Variants in SH2D2A observed in about 807,000 individuals in gnomAD.
The protein encoded by SH2D2A is SH2 domain-containing protein 2A.
Under a neutral mutation model 43.6 loss-of-function variants are expected in SH2D2A, and 33 were observed. That is an observed-to-expected ratio of 0.76 (90% CI 0.57 to 1.01). The LOEUF (loss-of-function observed/expected upper bound fraction) is 1.01. Ranked by LOEUF, SH2D2A falls within the 50% of genes least tolerant of loss-of-function variation. The probability of loss-of-function intolerance (pLI) is 0.00; values close to 1 mark genes in which losing one functional copy is unlikely to be tolerated. For synonymous variants in SH2D2A, 212 were observed against 206.1 expected (o/e 1.03, Z -0.25); for missense variants, 491 against 503.1 (o/e 0.98, Z 0.23).
intron 5 of SH2D2A, among the ~76,000 whole-genome samples, chr1:156,810,117 C>G (rs1337212905): frequency 6.6e-6 from 1 of 152,188 alleles, no homozygotes; most frequent in African/African-American, 2.4e-5. Flanking sequence ...CTCACTGCAG[C>G]CTTGACCTCC....
Position 156,816,020 on chromosome 1 carries a change from G to C in SH2D2A, c.109C>G (p.Leu37Val). 6.2e-7 allele frequency: 1 copy of C among 1,614,070 alleles called. No individual in the cohort carries two copies. Among genetic ancestry groups the C allele is most frequent in the Non-Finnish European group, 8.5e-7 (1 of 1,179,964 alleles). Residue 37 changes from leucine to valine, a missense_variant, in exon 2 of 9, where the codon CTG (leucine) becomes GTG (valine). Leu to Val is a conservative substitution (Grantham distance 32). Transcript: ENST00000368199. Reference sequence around the variant, plus strand: ...TTTCCACTCACCGCAGTGTAGCCCAGGTTCTGGCAGCTCCTGCGGGTCATG... The same window carrying C: ...TTTCCACTCACCGCAGTGTAGCCCACGTTCTGGCAGCTCCTGCGGGTCATG... Reference protein sequence around the residue: ...TDMTRRSCQNLGYTAASPQAP... With the variant: ...TDMTRRSCQNVGYTAASPQAP...
At chr1:156,811,675 A>C (rs903666473) in intron 5 of SH2D2A, among the ~76,000 whole-genome samples, 1 of 152,084 alleles carries the variant, frequency 6.6e-6, no homozygotes, top group African/African-American at 2.4e-5. Flanking sequence ...CCTAGTATCA[A>C]TTCCACCCTC....
chr1:156,814,353 G>C (rs1653680659), intron 3 of SH2D2A, 59 bp from the exon 4 acceptor site: 2 of 1,578,518 alleles, frequency 1.3e-6, no homozygotes, highest in South Asian at 1.1e-5. Context: ...CCTCGCCTCT[G>C]TCTCCCCGGC....
intron 1 of SH2D2A, among the ~76,000 whole-genome samples, chr1:156,816,411 C>T (rs1041497114): frequency 1.1e-4 from 16 of 152,228 alleles, no homozygotes; most frequent in African/African-American, 3.9e-4. Context: ...CCAGGATCTT[C>T]TGCCTCCTTC....
At chr1:156,815,819 CA>C (rs766336211) in intron 2 of SH2D2A, 186 bp downstream of exon 2, 1 of 1,614,134 alleles carries the variant, frequency 6.2e-7, no homozygotes, top group Non-Finnish European at 8.5e-7. Flanking sequence ...AGTGAGTGGG[CA>C]ACTCGGCGCA....
At chr1:156,814,653 A>C in intron 3 of SH2D2A, 1 of 398,082 alleles carries the variant, frequency 2.5e-6, no homozygotes, top group Non-Finnish European at 4.5e-6. Context: ...GTTAGGGAGA[A>C]ATGAGGCTGA....
chr1:156,814,845 A>C (rs1653737992), intron 3 of SH2D2A, 192 bp downstream of exon 3: 2 of 462,156 alleles, frequency 4.3e-6, no homozygotes, highest in Admixed American at 4.0e-5. Context: ...GAGCCTCTCC[A>C]ATGATCTCCC....
Position 156,809,529 on chromosome 1 carries a change from G to A in SH2D2A, c.715-39C>T, listed in dbSNP as rs1280871948. The A allele has an allele frequency of 6.4e-7, 1 of 1,565,308 alleles. No individual in the cohort carries two copies. Among genetic ancestry groups the A allele is most frequent in the East Asian group, 2.3e-5 (1 of 44,402 alleles). On this transcript the variant is annotated intron_variant, in intron 6 of 8. Transcript: ENST00000368199. This position sits in a 1 kb window ranked among gnomAD's most constrained non-coding sequence, Gnocchi z 4.8. ...TGAGGCCAGGGAGGAGTGGGGTGAGGGAGGCAGGGTTAAAGCCCCAGCCTA... is the reference window on the plus strand; with the variant it reads ...TGAGGCCAGGGAGGAGTGGGGTGAGAGAGGCAGGGTTAAAGCCCCAGCCTA...
In SH2D2A at chr1:156,815,103, G is replaced by A; in HGVS notation, c.242C>T (p.Thr81Ile). 6.2e-7 allele frequency: 1 copy of A among 1,610,608 alleles called. No individual in the cohort carries two copies. Among genetic ancestry groups the A allele is most frequent in the East Asian group, 2.2e-5 (1 of 44,566 alleles). The change falls in exon 3 of 9, where the codon ACC becomes ATC. Residue 81 changes from threonine to isoleucine, a missense_variant. Transcript: ENST00000368199. ...GTGCTGCAGGAGCCAGTGGGCCTGG[G>A]TCTTCTGGAACCAAGCCCGGGTCTC... ...QAETRAWFQK[T>I]QAHWLLQHGA...
In SH2D2A at chr1:156,815,062, A is replaced by C; in HGVS notation, c.283T>G (p.Trp95Gly). 6.3e-7 allele frequency: 1 copy of C among 1,579,322 alleles called. No homozygotes were observed. Among genetic ancestry groups the C allele is most frequent in the Non-Finnish European group, 8.6e-7 (1 of 1,161,802 alleles). The change falls in exon 3 of 9, where the codon TGG (tryptophan) becomes GGG (glycine). Residue 95 changes from tryptophan (W) to glycine (G), a missense_variant. Trp to Gly is a radical substitution (Grantham distance 184). Transcript: ENST00000368199. ...WLLQHGAAPA[W>G]FHGFITRREA... ...CTCCGGGTGATGAAGCCATGGAACCAGGCAGGGGCTGCCCCGTGCTGCAGG... is the reference window on the plus strand; with the variant it reads ...CTCCGGGTGATGAAGCCATGGAACCCGGCAGGGGCTGCCCCGTGCTGCAGG...
At chr1:156,811,233 C>T (rs779903723) in intron 5 of SH2D2A, among the ~76,000 whole-genome samples, 5 of 152,176 alleles carry the variant, frequency 3.3e-5, no homozygotes, top group Non-Finnish European at 7.3e-5. Flanking sequence ...GTCTAAATAT[C>T]GTTCACATCT....
intron 5 of SH2D2A, among the ~76,000 whole-genome samples, chr1:156,811,059 A>G (rs1474891507): frequency 6.6e-6 from 1 of 152,052 alleles, no homozygotes; most frequent in Non-Finnish European, 1.5e-5. Flanking sequence ...GAAATCAAAG[A>G]ATTCTTTTTC....
chr1:156,809,262 C>G lies in SH2D2A; in HGVS notation c.943G>C (p.Ala315Pro), dbSNP rs147765972. 4.3e-6 allele frequency: 7 copies of G among 1,613,890 alleles called. No homozygotes were observed. In the African/African-American group the frequency reaches 6.7e-5, roughly 15 times the overall value. ...YVEVEDEGLP[A>P]TLGHPVLRKS... ...CGTAGGACAGGGTGCCCAAGGGTGGCGGGTAGGCCCTCATCTTCCACTTCC... is the reference window on the plus strand; with the variant it reads ...CGTAGGACAGGGTGCCCAAGGGTGGGGGGTAGGCCCTCATCTTCCACTTCC... The change falls in exon 7 of 9, where the codon GCC (alanine) becomes CCC (proline). Residue 315 changes from alanine to proline, a missense_variant. Physicochemically the swap from Ala to Pro is conservative, Grantham distance 27. Coordinates refer to ENST00000368199, the MANE Select transcript of SH2D2A (RefSeq NM_003975.4). This position sits in a 1 kb window ranked among gnomAD's most constrained non-coding sequence, Gnocchi z 4.8.
Position 156,807,362 on chromosome 1 carries a change from A to G in SH2D2A, c.1003-17T>C. ...ACCTGTATTCTGCAGAGAGAAGGAC[A>G]GTTCTAGGTCACACCCTCTACCCTC... On this transcript the variant is annotated splice_polypyrimidine_tract_variant and intron_variant, in intron 7 of 8. Transcript: ENST00000368199. This position sits in a 1 kb window ranked among gnomAD's most constrained non-coding sequence, Gnocchi z 5.1. 1 of 1,511,474 alleles carries G rather than the reference A, an allele frequency of 6.6e-7. No individual in the cohort carries two copies. Among genetic ancestry groups the G allele is most frequent in the Non-Finnish European group, 8.8e-7 (1 of 1,135,216 alleles). 93.6% of individuals were successfully genotyped at this position (1,511,474 alleles called of 1,614,324 possible). A position where few individuals can be genotyped will look rare whatever the true frequency, so the allele number is the denominator to read the frequency against.
At chr1:156,816,131 GA>G (rs1176352328) in intron 1 of SH2D2A, 37 bp from the exon 2 acceptor site, 8 of 1,589,038 alleles carry the variant, frequency 5.0e-6, no homozygotes. Flanking sequence ...GTTTCTCAGA[GA>G]GGAACTATGT....
In SH2D2A at chr1:156,816,711, G is replaced by A. The variant is rs368443172; in HGVS notation, c.-3C>T. On this transcript the variant is annotated 5_prime_UTR_variant, in exon 1 of 9. Transcript: ENST00000368199. Reference sequence around the variant, plus strand: ...ATCTGGGCCAGGGGGAACTCCATGAGGGCAGCCTCACAAGGGATCCCAGAG... The same window carrying A: ...ATCTGGGCCAGGGGGAACTCCATGAAGGCAGCCTCACAAGGGATCCCAGAG... The A allele has an allele frequency of 1.3e-6, 2 of 1,598,120 alleles. No homozygotes were observed. Among genetic ancestry groups the A allele is most frequent in the Middle Eastern group, 1.7e-4 (1 of 5,998 alleles).
chr1:156,815,676 G>T, intron 2 of SH2D2A: 1 of 845,418 alleles, frequency 1.2e-6, no homozygotes, highest in South Asian at 1.4e-5. Context: ...GGACTGAGAC[G>T]GGAATGTGGA....
Position 156,807,382 on chromosome 1 carries a change from A to G in SH2D2A, c.1003-37T>C, listed in dbSNP as rs1410954920. On this transcript the variant is annotated intron_variant, in intron 7 of 8. Transcript: ENST00000368199. This position sits in a 1 kb window ranked among gnomAD's most constrained non-coding sequence, Gnocchi z 5.1. ...AGGACAGTTCTAGGTCACACCCTCT[A>G]CCCTCTGCCTCCTAGGTGTACTTGC... 6.9e-7 allele frequency: 1 copy of G among 1,457,382 alleles called. No individual in the cohort carries two copies. Among genetic ancestry groups the G allele is most frequent in the Non-Finnish European group, 9.0e-7 (1 of 1,106,948 alleles). The allele number at this position is 1,457,382 out of a possible 1,614,324, so 90.3% of individuals were successfully genotyped here.
rs779875660 is a variant in SH2D2A, at chr1:156,809,655, C to G, written c.714+6G>C. The G allele has an allele frequency of 1.2e-6, 2 of 1,608,138 alleles. No individual in the cohort carries two copies. On this transcript the variant is annotated splice_donor_region_variant and intron_variant, in intron 6 of 8. Coordinates refer to ENST00000368199, the MANE Select transcript of SH2D2A (RefSeq NM_003975.4). This position sits in a 1 kb window ranked among gnomAD's most constrained non-coding sequence, Gnocchi z 4.8. ...TCCCACTCCCTCAGCCCCTGCAGCC[C>G]AATACCTCCTTCTCCCCGGCCCCCT...
Sources: gnomAD v4.1 joint callset for allele counts (sites outside exome capture counted in the v4.1 genomes callset) on GRCh38, gnomAD v4.1.1 for gene constraint, Gnocchi (gnomAD v3.1) non-coding constraint, MANE v1.5 for transcripts, NCBI Gene and HGNC (gene_info 2026-07-23, HGNC 2026-07-21) for gene names.